Variants in IL1RAPL2 observed in about 807,000 individuals in gnomAD.
IL1RAPL2 encodes the protein X-linked interleukin-1 receptor accessory protein-like 2.
IL1RAPL2 carries 3 observed loss-of-function variants against 44.1 expected under a neutral mutation model. The observed-to-expected ratio is 0.07, with a 90% CI of 0.03 to 0.18. The LOEUF is 0.18. Ranked by LOEUF, IL1RAPL2 falls within the 10% of genes least tolerant of loss-of-function variation. The pLI is 1.00. For synonymous variants in IL1RAPL2, 181 were observed against 178.8 expected, an observed-to-expected ratio of 1.01 and a Z score of -0.10; for missense variants, 391 against 496.4, an observed-to-expected ratio of 0.79 and a Z score of 2.02.
intron 6 of IL1RAPL2, among the ~76,000 whole-genome samples, chrX:105,697,309 A>C (rs1054696542): frequency 2.7e-5 from 3 of 109,190 alleles, no homozygotes; most frequent in Admixed American, 2.0e-4. Context: ...AAAAAAAAAA[A>C]CACCAAAATT....
chrX:105,561,407 T>C (rs2036936346), intron 6 of IL1RAPL2, among the ~76,000 whole-genome samples: 2 of 111,773 alleles, frequency 1.8e-5, no homozygotes, highest in South Asian at 7.5e-4. Context: ...AGAAATCTTA[T>C]TTGATCTATA....
intron 1 of IL1RAPL2, among the ~76,000 whole-genome samples, chrX:104,625,496 TATA>T (rs770380604): frequency 9.0e-6 from 1 of 111,620 alleles, no homozygotes; most frequent in Non-Finnish European, 1.9e-5. Context: ...AACATTATAT[TATA>T]ATATTAGTAA....
intron 2 of IL1RAPL2, among the ~76,000 whole-genome samples, chrX:104,737,974 CT>C (rs1932044251): frequency 8.9e-6 from 1 of 112,208 alleles, no homozygotes; most frequent in African/African-American, 3.2e-5. Context: ...TTCCCGTGGA[CT>C]AGTTATGCTT....
intron 6 of IL1RAPL2, among the ~76,000 whole-genome samples, chrX:105,658,338 G>A (rs961515991): frequency 8.9e-6 from 1 of 111,762 alleles, no homozygotes; most frequent in African/African-American, 3.3e-5. Flanking sequence ...AAGAGCCACA[G>A]TATAACTGGG....
chrX:104,821,237 T>C (rs1921292519), intron 2 of IL1RAPL2, among the ~76,000 whole-genome samples: 1 of 111,538 alleles, frequency 9.0e-6, no homozygotes, highest in Non-Finnish European at 1.9e-5. Flanking sequence ...TGCTTGTAAA[T>C]CTGTTTTTTT....
At chrX:105,167,370 A>AT (rs2033379272) in intron 2 of IL1RAPL2, among the ~76,000 whole-genome samples, 1 of 112,181 alleles carries the variant, frequency 8.9e-6, no homozygotes, top group Non-Finnish European at 1.9e-5. Context: ...TTCAGGAGAT[A>AT]TTTTTACCTT....
chrX:105,154,566 T>A (rs2033254022), intron 2 of IL1RAPL2, among the ~76,000 whole-genome samples: 1 of 110,882 alleles, frequency 9.0e-6, no homozygotes, highest in Non-Finnish European at 1.9e-5. Flanking sequence ...AATAGTAGCA[T>A]CTTGATCTCC....
At chrX:105,245,367 G>A (rs1004489234) in intron 4 of IL1RAPL2, among the ~76,000 whole-genome samples, 4 of 111,569 alleles carry the variant, frequency 3.6e-5, no homozygotes, top group African/African-American at 1.3e-4. Flanking sequence ...CAGCTGGATG[G>A]GAAGCTAGAG....
chrX:105,688,975 T>A (rs1480603342), intron 6 of IL1RAPL2, among the ~76,000 whole-genome samples: 6 of 111,384 alleles, frequency 5.4e-5, no homozygotes, highest in African/African-American at 2.0e-4. Flanking sequence ...AAGGGGGAAA[T>A]GATTCCCTGT....
intron 2 of IL1RAPL2, among the ~76,000 whole-genome samples, chrX:104,959,093 G>T (rs1302484892): frequency 1.8e-5 from 2 of 110,597 alleles, no homozygotes; most frequent in Non-Finnish European, 3.8e-5. Flanking sequence ...GGCTTTGCTT[G>T]TACCTCTCCT....
chrX:105,323,897 GACAC>G (rs756657204), intron 5 of IL1RAPL2, among the ~76,000 whole-genome samples: 2 of 95,413 alleles, frequency 2.1e-5, no homozygotes, highest in South Asian at 4.1e-4. Flanking sequence ...CACACACACA[GACAC>G]ACACACACAC....
At chrX:104,571,523 A>C (rs758279889) in intron 1 of IL1RAPL2, among the ~76,000 whole-genome samples, 4 of 111,221 alleles carry the variant, frequency 3.6e-5, no homozygotes, top group Non-Finnish European at 7.5e-5. Context: ...TAGTGAATAA[A>C]TCTCACAAGA....
chrX:105,496,290 T>G (rs1314201596), intron 6 of IL1RAPL2, among the ~76,000 whole-genome samples: 3 of 112,569 alleles, frequency 2.7e-5, no homozygotes, highest in Non-Finnish European at 5.6e-5. Flanking sequence ...TGGGCACATG[T>G]TCTCAGGATT....
At chrX:104,766,404 TGC>T (rs1932554761) in intron 2 of IL1RAPL2, among the ~76,000 whole-genome samples, 1 of 110,839 alleles carries the variant, frequency 9.0e-6, no homozygotes, top group African/African-American at 3.3e-5. Flanking sequence ...CCTGCCTGCC[TGC>T]CTTTCTTCCC....
chrX:105,589,573 T>C (rs189351952), intron 6 of IL1RAPL2, among the ~76,000 whole-genome samples: 2 of 111,464 alleles, frequency 1.8e-5, no homozygotes, highest in East Asian at 5.6e-4. Context: ...AAAGAAGGGG[T>C]CCAGTTTCAA....
chrX:105,100,117 G>A (rs1385182461), intron 2 of IL1RAPL2, among the ~76,000 whole-genome samples: 3 of 111,617 alleles, frequency 2.7e-5, no homozygotes, highest in African/African-American at 9.8e-5. Context: ...TTTATTATTA[G>A]TTATTGTTGT....
At chrX:104,824,052 G>T (rs1921384638) in intron 2 of IL1RAPL2, among the ~76,000 whole-genome samples, 2 of 111,777 alleles carry the variant, frequency 1.8e-5, no homozygotes, top group African/African-American at 6.5e-5. Flanking sequence ...ATTATTTTGA[G>T]ATATGTTCCA....
chrX:104,747,820 C>T (rs949194996), intron 2 of IL1RAPL2, among the ~76,000 whole-genome samples: 1 of 111,174 alleles, frequency 9.0e-6, no homozygotes, highest in African/African-American at 3.3e-5. Flanking sequence ...TGGATGTGAA[C>T]GATGTGTTGT....
intron 5 of IL1RAPL2, among the ~76,000 whole-genome samples, chrX:105,383,165 ATAGT>A (rs969443795): frequency 1.0e-4 from 11 of 110,359 alleles, no homozygotes; most frequent in African/African-American, 3.6e-4. Context: ...AAAAAAAACT[ATAGT>A]TACTCTATTT....
Sources: allele counts gnomAD v4.1 joint callset (sites outside exome capture counted in the v4.1 genomes callset), GRCh38; gene constraint gnomAD v4.1.1; transcripts MANE v1.5; gene names NCBI Gene and HGNC (gene_info 2026-07-23, HGNC 2026-07-21).